KLRG2: variants seen among roughly 807,000 people sequenced by gnomAD.
The protein encoded by KLRG2 is killer cell lectin-like receptor subfamily G member 2.
Under a neutral mutation model 35.4 loss-of-function variants are expected in KLRG2, and 39 were observed. The ratio of observed to expected loss-of-function variants is 1.10; its 90% CI spans 0.85 to 1.44. The LOEUF (loss-of-function observed/expected upper bound fraction) is 1.44, where lower values mean the gene tolerates loss of function less well. Among genes scored for constraint, KLRG2 ranks in the 40% most tolerant of loss-of-function variants. The pLI, the probability that KLRG2 is intolerant of heterozygous loss-of-function variation, is 0.00. For missense variants in KLRG2, 632 were observed against 570.9 expected, an observed-to-expected ratio of 1.11 and a Z score of -1.09; for synonymous variants, 283 against 265.8, an observed-to-expected ratio of 1.06 and a Z score of -0.63.
chr7:139,444,755 A>G, the KLRG2 span, among the ~76,000 whole-genome samples: 1 of 152,214 alleles, frequency 6.6e-6, no homozygotes, highest in African/African-American at 2.4e-5. Flanking sequence ...AGCCAATGCA[A>G]TATAAAAATA....
intron 3 of KLRG2, among the ~76,000 whole-genome samples, chr7:139,469,587 G>T: frequency 6.6e-6 from 1 of 151,986 alleles, no homozygotes; most frequent in African/African-American, 2.4e-5. Flanking sequence ...TGGGATCACA[G>T]GCATGCGTCA....
intron 3 of KLRG2, among the ~76,000 whole-genome samples, chr7:139,456,116 A>G (rs1796473557): frequency 6.6e-6 from 1 of 152,208 alleles, no homozygotes; most frequent in African/African-American, 2.4e-5. Context: ...GCAGAGCGGT[A>G]TAAATGAATT....
intron 1 of KLRG2, among the ~76,000 whole-genome samples, chr7:139,480,742 G>T (rs1227515668): frequency 7.8e-6 from 1 of 128,620 alleles, no homozygotes; most frequent in Non-Finnish European, 1.6e-5. Context: ...AACGCGTCTG[G>T]CCCTTTTTTT....
At chr7:139,451,966 CTTTTT>C (rs58186917), downstream of KLRG2, among the ~76,000 whole-genome samples, 1 of 117,222 alleles carries the variant, frequency 8.5e-6, no homozygotes. Flanking sequence ...TTTCCATGTC[CTTTTT>C]TTTTTTTTTT....
chr7:139,454,331 C>A (rs1053189932), intron 3 of KLRG2, 117 bp from the exon 4 acceptor site: 1 of 649,216 alleles, frequency 1.5e-6, no homozygotes, highest in Non-Finnish European at 2.7e-6. Flanking sequence ...AGGATCTGCT[C>A]AAGCCAGCAC....
the KLRG2 span, among the ~76,000 whole-genome samples, chr7:139,445,509 G>A: frequency 6.6e-6 from 1 of 151,996 alleles, no homozygotes; most frequent in East Asian, 1.9e-4. Flanking sequence ...GAGGGAAGGA[G>A]AAGTGACAGG....
chr7:139,478,293 G>C (rs1796889557), intron 3 of KLRG2, among the ~76,000 whole-genome samples: 1 of 151,100 alleles, frequency 6.6e-6, no homozygotes, highest in African/African-American at 2.4e-5. Context: ...TTGAGCCTGG[G>C]AGTTCAAGGC....
At chr7:139,447,560 A>G in the KLRG2 span, among the ~76,000 whole-genome samples, 2 of 151,446 alleles carry the variant, frequency 1.3e-5, no homozygotes, top group African/African-American at 4.9e-5. Flanking sequence ...ACCACCACAC[A>G]CTGCTAATTT....
Position 139,482,868 on chromosome 7 carries a change from G to A in KLRG2, c.757+18C>T. ...CCCGACCTGGCGGCGTCGGCTGCCGGCGCAGGTGAGCACTCACCCGTAAGC... is the reference window on the plus strand; with the variant it reads ...CCCGACCTGGCGGCGTCGGCTGCCGACGCAGGTGAGCACTCACCCGTAAGC... On this transcript the variant is annotated intron_variant, in intron 1 of 4. Transcript: ENST00000340940. 7.2e-7 allele frequency: 1 copy of A among 1,389,758 alleles called. No homozygotes were observed. The highest frequency in any genetic ancestry group is 9.3e-7 in the Non-Finnish European group (1 of 1,078,468). The allele number at this position is 1,389,758 out of a possible 1,614,324, so 86.1% of individuals were successfully genotyped here. A position where few individuals can be genotyped will look rare whatever the true frequency, so the allele number is the denominator to read the frequency against.
At chr7:139,445,874 C>T in the KLRG2 span, among the ~76,000 whole-genome samples, 1 of 149,104 alleles carries the variant, frequency 6.7e-6, no homozygotes. Flanking sequence ...TCTTATTGCC[C>T]AAACTGCAGT....
chr7:139,464,793 A>C (rs1796622571), intron 3 of KLRG2, among the ~76,000 whole-genome samples: 1 of 152,228 alleles, frequency 6.6e-6, no homozygotes, highest in Non-Finnish European at 1.5e-5. Flanking sequence ...CGCTGCTTTA[A>C]TATTTTCAGA....
chr7:139,432,940 C>A, the KLRG2 span, among the ~76,000 whole-genome samples: 1 of 152,106 alleles, frequency 6.6e-6, no homozygotes, highest in African/African-American at 2.4e-5. Flanking sequence ...GATCAAGATA[C>A]GGACCATTTC....
intron 3 of KLRG2, among the ~76,000 whole-genome samples, chr7:139,473,982 A>C (rs1159580541): frequency 6.6e-6 from 1 of 151,990 alleles, no homozygotes; most frequent in African/African-American, 2.4e-5. Flanking sequence ...AATGAATGAC[A>C]TACAAAGAAC....
downstream of KLRG2, among the ~76,000 whole-genome samples, chr7:139,449,996 C>T (rs555557570): frequency 6.0e-5 from 9 of 150,934 alleles, no homozygotes; most frequent in East Asian, 6.0e-4. Context: ...CCACTGTGCC[C>T]GGCCTATATC....
downstream of KLRG2, among the ~76,000 whole-genome samples, chr7:139,451,228 C>T (rs948022258): frequency 5.3e-5 from 8 of 152,104 alleles, no homozygotes; most frequent in African/African-American, 1.9e-4. Context: ...GGCCGTGCAC[C>T]GTGGCTCACG....
intron 3 of KLRG2, among the ~76,000 whole-genome samples, chr7:139,454,822 TAA>T (rs1237071789): frequency 1.2e-4 from 4 of 32,830 alleles, no homozygotes; most frequent in Non-Finnish European, 1.9e-4. Flanking sequence ...TATCTCAAAA[TAA>T]TAATAATAAT....
At chr7:139,461,427 G>A (rs544107074) in intron 3 of KLRG2, among the ~76,000 whole-genome samples, 1 of 152,140 alleles carries the variant, frequency 6.6e-6, no homozygotes, top group East Asian at 1.9e-4. Flanking sequence ...AAAACGAATC[G>A]TTATCTTCAC....
chr7:139,434,572 C>A, the KLRG2 span, among the ~76,000 whole-genome samples: 12 of 152,330 alleles, frequency 7.9e-5, no homozygotes, highest in African/African-American at 1.7e-4. Context: ...GTTTCCAAAT[C>A]AAAAGACTTG....
chr7:139,482,074 C>T (rs1357543409), intron 1 of KLRG2, among the ~76,000 whole-genome samples: 1 of 152,194 alleles, frequency 6.6e-6, no homozygotes, highest in Non-Finnish European at 1.5e-5. Flanking sequence ...CCCCCTCCCC[C>T]ACACCACAAA....
Sources: allele counts gnomAD v4.1 joint callset (sites outside exome capture counted in the v4.1 genomes callset), GRCh38; gene constraint gnomAD v4.1.1; transcripts MANE v1.5; gene names NCBI Gene and HGNC (gene_info 2026-07-23, HGNC 2026-07-21).